SCPPPQ1: variants seen among roughly 807,000 people sequenced by gnomAD.
SCPPPQ1 encodes secretory calcium-binding phosphoprotein proline-glutamine rich 1, also known as secretory calcium-binding phosphoprotein proline- and glutamine-rich 1.
At chr4:87,464,821 G>A in the SCPPPQ1 span, among the ~76,000 whole-genome samples, 3 of 152,250 alleles carry the variant, frequency 2.0e-5, no homozygotes, top group Non-Finnish European at 4.4e-5. Context: ...GTGACAGAGC[G>A]AGACTCAGTC....
the SCPPPQ1 span, among the ~76,000 whole-genome samples, chr4:87,468,160 A>G: frequency 1.3e-5 from 2 of 152,266 alleles, no homozygotes; most frequent in Admixed American, 1.3e-4. Flanking sequence ...TGAAATAAAA[A>G]GCAGTTGGAT....
chr4:87,463,063 TA>T, the SCPPPQ1 span, among the ~76,000 whole-genome samples: 2 of 151,574 alleles, frequency 1.3e-5, no homozygotes, highest in East Asian at 3.9e-4. Context: ...TATATGCCTG[TA>T]AATTTAAATT....
chr4:87,461,255 C>T, the SCPPPQ1 span, among the ~76,000 whole-genome samples: 72 of 152,270 alleles, frequency 4.7e-4, no homozygotes, highest in African/African-American at 1.6e-3. Context: ...AGGTTGCCCG[C>T]AGTTTTATTT....
chr4:87,464,702 G>T, the SCPPPQ1 span, among the ~76,000 whole-genome samples: 2 of 152,120 alleles, frequency 1.3e-5, no homozygotes, highest in Non-Finnish European at 2.9e-5. Flanking sequence ...GCCCAGCGTG[G>T]TAGTGCGTCC....
the SCPPPQ1 span, among the ~76,000 whole-genome samples, chr4:87,466,388 C>CA: frequency 2.4e-4 from 37 of 151,544 alleles, no homozygotes; most frequent in African/African-American, 5.8e-4. Context: ...AAAACGAAAA[C>CA]AAAAAAAACA....
chr4:87,470,341 AG>A, the SCPPPQ1 span, among the ~76,000 whole-genome samples: 1 of 152,170 alleles, frequency 6.6e-6, no homozygotes, highest in Non-Finnish European at 1.5e-5. Context: ...CTAAAATGAG[AG>A]GAAAGTTTTT....
the SCPPPQ1 span, among the ~76,000 whole-genome samples, chr4:87,467,976 C>A: frequency 1.3e-5 from 2 of 152,160 alleles, no homozygotes; most frequent in Non-Finnish European, 2.9e-5. Context: ...ATTAGAAGTT[C>A]ACCTGTTCAC....
chr4:87,470,150 C>G, the SCPPPQ1 span, among the ~76,000 whole-genome samples: 1 of 151,674 alleles, frequency 6.6e-6, no homozygotes, highest in Non-Finnish European at 1.5e-5. Context: ...GAGATGGGGT[C>G]TTGCTATGTT....
chr4:87,463,877 T>C, the SCPPPQ1 span, among the ~76,000 whole-genome samples: 1 of 152,198 alleles, frequency 6.6e-6, no homozygotes, highest in African/African-American at 2.4e-5. Flanking sequence ...GAAAATTGTT[T>C]TGTAGCATCC....
the SCPPPQ1 span, among the ~76,000 whole-genome samples, chr4:87,471,031 C>T: frequency 1.3e-5 from 2 of 151,592 alleles, no homozygotes; most frequent in Non-Finnish European, 2.9e-5. Flanking sequence ...GCTTCAGTGG[C>T]CCTTGGAGCA....
chr4:87,469,971 T>TTTTTTA, the SCPPPQ1 span, among the ~76,000 whole-genome samples: 1 of 107,462 alleles, frequency 9.3e-6, no homozygotes, highest in Non-Finnish European at 1.9e-5. Context: ...TTTTTTTTTT[T>TTTTTTA]GAGACAGGGT....
chr4:87,461,630 G>A, the SCPPPQ1 span, among the ~76,000 whole-genome samples: 2 of 152,194 alleles, frequency 1.3e-5, no homozygotes, highest in African/African-American at 4.8e-5. Flanking sequence ...GATATGCAAA[G>A]TTTCCTTAGG....
chr4:87,471,016 C>T, the SCPPPQ1 span, among the ~76,000 whole-genome samples: 1 of 151,784 alleles, frequency 6.6e-6, no homozygotes, highest in South Asian at 2.1e-4. Flanking sequence ...TCTTCAATTA[C>T]CTTTGCTTCA....
chr4:87,465,557 T>TCCAAA, the SCPPPQ1 span, among the ~76,000 whole-genome samples: 1 of 11,638 alleles, frequency 8.6e-5, no homozygotes, highest in African/African-American at 4.7e-4. Context: ...AATAGAAATC[T>TCCAAA]ACAAAAAAAA....
At chr4:87,466,163 A>G in the SCPPPQ1 span, among the ~76,000 whole-genome samples, 6 of 152,084 alleles carry the variant, frequency 3.9e-5, no homozygotes, top group Non-Finnish European at 7.4e-5. Context: ...CGAGGCAGGC[A>G]GATCACTTGA....
chr4:87,466,906 G>GA, the SCPPPQ1 span, among the ~76,000 whole-genome samples: 1 of 151,980 alleles, frequency 6.6e-6, no homozygotes, highest in Non-Finnish European at 1.5e-5. Flanking sequence ...GATTTTTAAA[G>GA]AAAAAAATCA....
At chr4:87,465,560 A>C in the SCPPPQ1 span, among the ~76,000 whole-genome samples, 22 of 25,466 alleles carry the variant, frequency 8.6e-4, no homozygotes, top group African/African-American at 6.4e-3. Flanking sequence ...AGAAATCTAC[A>C]AAAAAAAAAA....
the SCPPPQ1 span, among the ~76,000 whole-genome samples, chr4:87,463,328 AAC>A: frequency 2.1e-5 from 3 of 145,234 alleles, no homozygotes; most frequent in East Asian, 2.0e-4. Context: ...TAAAAAAAAA[AAC>A]AACAAAAAAA....
chr4:87,464,861 G>A, the SCPPPQ1 span, among the ~76,000 whole-genome samples: 26 of 151,992 alleles, frequency 1.7e-4, 1 homozygote, highest in Non-Finnish European at 8.8e-5. Flanking sequence ...AATCATAATA[G>A]GAATATTATT....
Sources: gnomAD v4.1 joint callset for allele counts (sites outside exome capture counted in the v4.1 genomes callset) on GRCh38, gnomAD v4.1.1 for gene constraint, MANE v1.5 for transcripts, NCBI Gene and HGNC (gene_info 2026-07-23, HGNC 2026-07-21) for gene names.